FANCD2OS: variants seen among roughly 807,000 people sequenced by gnomAD.
The protein encoded by FANCD2OS is FANCD2 opposite strand.
FANCD2OS carries 11 observed loss-of-function variants against 13.2 expected under a neutral mutation model. That is an observed-to-expected ratio of 0.83 (90% CI 0.52 to 1.38). FANCD2OS has a LOEUF of 1.38. Among genes scored for constraint, FANCD2OS ranks in the 40% most tolerant of loss-of-function variants. The pLI, the probability that FANCD2OS is intolerant of heterozygous loss-of-function variation, is 0.00. For synonymous variants in FANCD2OS, 69 were observed against 84.5 expected (o/e 0.82, Z 1.01); for missense variants, 217 against 213.9 (o/e 1.01, Z -0.09).
intron 1 of FANCD2OS, among the ~76,000 whole-genome samples, chr3:10,106,498 G>T (rs1695498143): frequency 6.6e-6 from 1 of 152,130 alleles, no homozygotes; most frequent in South Asian, 2.1e-4. Flanking sequence ...GTATTTCTCT[G>T]CCCCTTCTTC....
At chr3:10,089,475 G>A (rs936942983) in intron 2 of FANCD2OS, among the ~76,000 whole-genome samples, 3 of 151,662 alleles carry the variant, frequency 2.0e-5, no homozygotes, top group African/African-American at 7.3e-5. Flanking sequence ...TTTTTGTTTT[G>A]TATTGTTTTG....
chr3:10,094,547 T>G (rs567898947), intron 2 of FANCD2OS, among the ~76,000 whole-genome samples: 2 of 152,194 alleles, frequency 1.3e-5, no homozygotes, highest in Admixed American at 1.3e-4. Flanking sequence ...TCAGGCCCAC[T>G]CTGGATCAAA....
chr3:10,086,632 C>A (rs900224043), intron 2 of FANCD2OS, among the ~76,000 whole-genome samples: 1 of 152,112 alleles, frequency 6.6e-6, no homozygotes, highest in African/African-American at 2.4e-5. Flanking sequence ...CAGGCGCATG[C>A]TGACACACCC....
intron 2 of FANCD2OS, among the ~76,000 whole-genome samples, chr3:10,089,719 C>CG (rs1694468686): frequency 6.6e-6 from 1 of 152,168 alleles, no homozygotes; most frequent in Non-Finnish European, 1.5e-5. Flanking sequence ...CTGCCTGCCT[C>CG]GGCCTCTCAA....
At position 10,104,499 on chromosome 3, in the gene FANCD2OS, C is replaced by T. The variant is rs757975704; in HGVS notation, c.276G>A (p.Gln92=). Residue 92 remains glutamine (Q), a synonymous_variant, in exon 2 of 2, where the codon CAG becomes CAA. Transcript: ENST00000450660. The part of the protein sequence containing the change: ...MNNKGLVRKP[Q]PIRLSGVDSV... ...AATCTACTCCACTGAGGCGGATGGG[C>T]TGGGGCTTCCTGACCAGTCCTTTGT... 5.0e-6 allele frequency: 8 copies of T among 1,614,048 alleles called. No homozygotes were observed. The highest frequency in any genetic ancestry group is 1.7e-5 in the Admixed American group (1 of 59,998).
intron 1 of FANCD2OS, among the ~76,000 whole-genome samples, chr3:10,105,816 A>T (rs1284350612): frequency 1.3e-5 from 1 of 77,732 alleles, no homozygotes; most frequent in Non-Finnish European, 2.5e-5. Flanking sequence ...ATATATATAT[A>T]TATATTTTGA....
At chr3:10,098,843 G>C, downstream of FANCD2OS, 1 of 1,614,180 alleles carries the variant, frequency 6.2e-7, no homozygotes, top group South Asian at 1.1e-5. Flanking sequence ...ACCAGAGTCT[G>C]GCACTGATGG....
At chr3:10,100,211 C>T (rs150785408), downstream of FANCD2OS, among the ~76,000 whole-genome samples, 2 of 152,206 alleles carry the variant, frequency 1.3e-5, no homozygotes, top group East Asian at 3.9e-4. Flanking sequence ...TTACATGGTC[C>T]CCAGTTTTAT....
Position 10,104,256 on chromosome 3 carries a change from C to A in FANCD2OS, c.519G>T (p.Leu173Phe). 1.2e-6 allele frequency: 2 copies of A among 1,608,506 alleles called. No individual in the cohort carries two copies. The highest frequency in any genetic ancestry group is 1.7e-6 in the Non-Finnish European group (2 of 1,176,812). ...TGAGGACCCTTTACTTGGAGTGCTG[C>A]AAGGCAAAGGTGCACTTTTTGTAAG... ...YATYKKCTFA[L>F]QHSK The change falls in exon 2 of 2, where the codon TTG (leucine) becomes TTT (phenylalanine). Residue 173 changes from leucine (L) to phenylalanine (F), a missense_variant. Coordinates refer to ENST00000450660, the MANE Select transcript of FANCD2OS (RefSeq NM_001164839.2).
downstream of FANCD2OS, chr3:10,103,185 C>T: frequency 2.8e-6 from 1 of 361,064 alleles, no homozygotes; most frequent in South Asian, 2.1e-5. Context: ...GGCAGGTCAC[C>T]TGAGGTCGGG....
At chr3:10,085,394 C>CTTTT (rs1242296810) in intron 2 of FANCD2OS, among the ~76,000 whole-genome samples, 7 of 136,938 alleles carry the variant, frequency 5.1e-5, no homozygotes, top group African/African-American at 1.3e-4. Flanking sequence ...TTTTTTCTTT[C>CTTTT]TTTTTTTTTT....
At chr3:10,100,458 GTCTCCCGAGTTCAAGCAAT>G (rs1164185662), downstream of FANCD2OS, among the ~76,000 whole-genome samples, 1 of 152,104 alleles carries the variant, frequency 6.6e-6, no homozygotes, top group Non-Finnish European at 1.5e-5. Context: ...ACTGCAGTCT[GTCTCCCGAGTTCAAGCAAT>G]TCTCCTGCCT....
downstream of FANCD2OS, chr3:10,101,085 A>G (rs1695271361): frequency 9.0e-6 from 8 of 887,726 alleles, no homozygotes; most frequent in Non-Finnish European, 1.4e-5. Flanking sequence ...AAAAAGTTTT[A>G]ACAGTGATAA....
At position 10,085,398 on chromosome 3, in the gene FANCD2OS, T is replaced by C. The variant is rs3936531; in HGVS notation, c.*44-3867A>G. ...ATTCTTTTTTCTTTTTTCTTTCTTT[T>C]TTTTTTTTTTTTGAGATGGAGTCTC... On this transcript the variant is annotated intron_variant, in intron 2 of 2. Transcript: ENST00000524279. 5.8e-3 allele frequency among the ~76,000 whole-genome samples: 874 copies of C among 149,534 alleles called. 33 individuals carry two copies. The East Asian group carries it at 0.097, about 17-fold the overall frequency.
chr3:10,087,176 C>T (rs761298529), intron 2 of FANCD2OS: 1 of 1,613,868 alleles, frequency 6.2e-7, no homozygotes, highest in South Asian at 1.1e-5. Context: ...AAAGCATTCC[C>T]AGTTTCCAGT....
chr3:10,085,925 G>A lies in FANCD2OS; in HGVS notation c.*44-4394C>T, dbSNP rs1356789236. 14 of 1,587,196 alleles carry A rather than the reference G, an allele frequency of 8.8e-6. No individual in the cohort carries two copies. The highest frequency in any genetic ancestry group is 1.2e-5 in the Non-Finnish European group (14 of 1,155,522). On this transcript the variant is annotated intron_variant, in intron 2 of 2. Coordinates refer to the FANCD2OS transcript ENST00000524279. ...CAGCCTTTGGAGGAACTACTCAGGT[G>A]AGTCATAACTACATAGCCAAGATTG...
intron 2 of FANCD2OS, among the ~76,000 whole-genome samples, chr3:10,092,684 CTTTTTTT>C (rs565351425): frequency 2.8e-5 from 2 of 72,050 alleles, no homozygotes; most frequent in South Asian, 5.0e-4. Context: ...TCTTTCATGT[CTTTTTTT>C]TTTTTTTTTT....
intron 2 of FANCD2OS, among the ~76,000 whole-genome samples, chr3:10,081,873 G>A (rs530160447): frequency 1.4e-4 from 21 of 152,266 alleles, no homozygotes; most frequent in African/African-American, 4.1e-4. Flanking sequence ...GAGAGATAAC[G>A]GAAGGAAGTG....
At chr3:10,103,256 G>T (rs1319978076), downstream of FANCD2OS, among the ~76,000 whole-genome samples, 1 of 152,168 alleles carries the variant, frequency 6.6e-6, no homozygotes, top group African/African-American at 2.4e-5. Flanking sequence ...CACAAAATTA[G>T]CTGGGCGTGG....
Sources: allele counts gnomAD v4.1 joint callset (sites outside exome capture counted in the v4.1 genomes callset), GRCh38; gene constraint gnomAD v4.1.1; transcripts MANE v1.5; gene names NCBI Gene and HGNC (gene_info 2026-07-23, HGNC 2026-07-21).